Variants in FER observed in about 807,000 individuals in gnomAD.
FER encodes the protein tyrosine-protein kinase Fer.
In FER, 63 loss-of-function variants were observed where a neutral mutation model predicts 111.0. That is an observed-to-expected ratio of 0.57 (90% CI 0.46 to 0.70). FER has a LOEUF of 0.70. Ranked by LOEUF, FER falls within the 30% of genes least tolerant of loss-of-function variation. FER has a pLI of 0.00. For missense variants in FER, 914 were observed against 954.0 expected (o/e 0.96, Z 0.55); for synonymous variants, 327 against 313.9 (o/e 1.04, Z -0.44).
chr5:108,850,332 T>G (rs1297403691), intron 5 of FER, among the ~76,000 whole-genome samples: 1 of 152,212 alleles, frequency 6.6e-6, no homozygotes, highest in Non-Finnish European at 1.5e-5. Context: ...GTTTCATAAA[T>G]TAATCTGAGG....
At chr5:108,785,371 C>G (rs964245750) in intron 2 of FER, 1 of 583,336 alleles carries the variant, frequency 1.7e-6, no homozygotes. Flanking sequence ...GCCCCAGCAT[C>G]AAGATCTGGG....
At chr5:108,998,767 T>G (rs1764339236) in intron 13 of FER, among the ~76,000 whole-genome samples, 3 of 152,208 alleles carry the variant, frequency 2.0e-5, no homozygotes. Context: ...ATTTATTGAT[T>G]TGTGTATGTT....
intron 10 of FER, among the ~76,000 whole-genome samples, chr5:108,905,129 C>T (rs145142479): frequency 1.8e-3 from 271 of 152,098 alleles, no homozygotes; most frequent in African/African-American, 6.1e-3. Context: ...TTTCATATCA[C>T]GTTAGCCAAT....
intron 13 of FER, among the ~76,000 whole-genome samples, chr5:108,978,047 G>A (rs529539063): frequency 5.2e-4 from 79 of 152,152 alleles, no homozygotes; most frequent in Non-Finnish European, 7.8e-4. Context: ...GGGTTTCACC[G>A]CATTGCCCAG....
chr5:109,021,729 T>C lies in FER; in HGVS notation c.1657-15693T>C, dbSNP rs138640256. Among the ~76,000 whole-genome samples the C allele has an allele frequency of 2.8e-4, 42 of 152,180 alleles. 1 individual carries two copies. In the East Asian group the frequency reaches 8.1e-3, roughly 29 times the overall value. On this transcript the variant is annotated intron_variant, in intron 13 of 19. Coordinates refer to ENST00000281092, the MANE Select transcript of FER (RefSeq NM_005246.4). ...GTATGTCTTCTATGAATAAGATTAA[T>C]TGAAAAGCAAAAAAACAAGCTTTCT...
At chr5:108,778,075 T>G (rs1753687328) in intron 2 of FER, among the ~76,000 whole-genome samples, 1 of 152,246 alleles carries the variant, frequency 6.6e-6, no homozygotes. Flanking sequence ...TCTGATAGAC[T>G]TCTTTCATTT....
At chr5:108,880,680 A>G (rs976968309) in intron 8 of FER, among the ~76,000 whole-genome samples, 1 of 152,026 alleles carries the variant, frequency 6.6e-6, no homozygotes. Context: ...TATCTCCATG[A>G]TATTCAAAAA....
At position 109,044,719 on chromosome 5, in the gene FER, A is replaced by G. The variant is rs767596727; in HGVS notation, c.1753A>G (p.Lys585Glu). Residue 585 changes from lysine (K) to glutamate (E), a missense_variant, in exon 15 of 20, where the codon AAA becomes GAA. This residue lies in a region of FER where 774 missense variants were observed against 782.6 expected (regional missense o/e 0.99). Transcript: ENST00000281092. ...GEVYKGTLKD[K>E]TSVAVKTCKE... ...AGTATATAAGGGCACATTAAAGGAT[A>G]AAACTTCTGTTGCTGTTAAAACATG... 1.3e-6 allele frequency: 2 copies of G among 1,588,240 alleles called. No individual in the cohort carries two copies. The highest frequency in any genetic ancestry group is 2.3e-5 in the East Asian group (1 of 44,164).
At chr5:108,935,196 G>A (rs1180248223) in intron 10 of FER, among the ~76,000 whole-genome samples, 1 of 151,986 alleles carries the variant, frequency 6.6e-6, no homozygotes, top group African/African-American at 2.4e-5. Context: ...TTCACAGTTC[G>A]GGAGGCCAGA....
At chr5:108,893,814 A>G (rs957231827) in intron 9 of FER, among the ~76,000 whole-genome samples, 5 of 152,144 alleles carry the variant, frequency 3.3e-5, no homozygotes, top group Non-Finnish European at 7.4e-5. Context: ...ATCAATGAAT[A>G]GTCGTCTTTT....
chr5:109,015,416 G>C (rs1271604162), intron 13 of FER, among the ~76,000 whole-genome samples: 1 of 151,766 alleles, frequency 6.6e-6, no homozygotes, highest in Non-Finnish European at 1.5e-5. Flanking sequence ...TTTTTAAGTA[G>C]TAGTTGGAGG....
chr5:108,942,080 T>C (rs1402678590), intron 10 of FER, among the ~76,000 whole-genome samples: 1 of 152,130 alleles, frequency 6.6e-6, no homozygotes, highest in Non-Finnish European at 1.5e-5. Flanking sequence ...AACCTAAGAC[T>C]GTTCTAAAAA....
At chr5:109,186,773 G>A (rs372976508) in intron 19 of FER, among the ~76,000 whole-genome samples, 14 of 152,334 alleles carry the variant, frequency 9.2e-5, no homozygotes, top group African/African-American at 3.1e-4. Flanking sequence ...GAATAACTAA[G>A]TAATGGTGAC....
intron 2 of FER, among the ~76,000 whole-genome samples, chr5:108,781,172 C>G (rs571974305): frequency 7.4e-4 from 113 of 152,180 alleles, no homozygotes; most frequent in African/African-American, 2.6e-3. Context: ...TATACTAGCT[C>G]TCTTTCTTCA....
chr5:109,107,414 G>T (rs1749072530), intron 17 of FER, among the ~76,000 whole-genome samples: 1 of 152,044 alleles, frequency 6.6e-6, no homozygotes, highest in South Asian at 2.1e-4. Context: ...TTGTTGTACA[G>T]ATTGTTTCAT....
At chr5:109,169,843 C>T (rs187927386) in intron 17 of FER, among the ~76,000 whole-genome samples, 157 of 152,248 alleles carry the variant, frequency 1.0e-3, no homozygotes, top group Admixed American at 2.2e-3. Flanking sequence ...ATTTAGGGGA[C>T]GTAGTCCATT....
rs1771692209 is a variant in FER, at chr5:109,044,662, ATG to A, written c.1714-16_1714-15del. 2 of 1,249,964 alleles carry A rather than the reference ATG, an allele frequency of 1.6e-6. No homozygotes were observed. The highest frequency in any genetic ancestry group is 1.1e-6 in the Non-Finnish European group (1 of 887,606). The allele number at this position is 1,249,964 out of a possible 1,614,324, so 77.4% of individuals were successfully genotyped here. ...TGCTGTCATTTACCCCAGACAATGA[ATG>A]TATTTCTATTTTCAGGGAAATTTTG... On this transcript the variant is annotated splice_polypyrimidine_tract_variant and intron_variant, in intron 14 of 19. Transcript: ENST00000281092.
chr5:109,050,197 T>TAA lies in FER; in HGVS notation c.1924+3006_1924+3007dup, dbSNP rs57413180. Among the ~76,000 whole-genome samples the TAA allele has an allele frequency of 4.4e-4, 67 of 150,804 alleles. 1 individual carries two copies. The highest frequency in any genetic ancestry group is 1.5e-3 in the African/African-American group (62 of 41,050). On this transcript the variant is annotated intron_variant, in intron 16 of 19. Transcript: ENST00000281092. ...CAGTAATAGCATTACTGCTATATCC[T>TAA]AAAAAAAAGAGAGAAAATAAAGAAT...
At chr5:108,748,935 G>C (rs1750081930) in intron 1 of FER, 1 of 153,238 alleles carries the variant, frequency 6.5e-6, no homozygotes, top group South Asian at 2.1e-4. Flanking sequence ...GGCAGCCCCC[G>C]TGACGCGGGG....
Sources: allele counts gnomAD v4.1 joint callset (sites outside exome capture counted in the v4.1 genomes callset), GRCh38; gene constraint gnomAD v4.1.1; regional missense constraint gnomAD v4.1.1; transcripts MANE v1.5; gene names NCBI Gene and HGNC (gene_info 2026-07-23, HGNC 2026-07-21).